Variants in AP3B1 observed in about 807,000 individuals in gnomAD.
AP3B1 encodes adaptor related protein complex 3 subunit beta 1, also known as AP-3 complex subunit beta-1.
Under a neutral mutation model 132.5 loss-of-function variants are expected in AP3B1, and 61 were observed. That is an observed-to-expected ratio of 0.46 (90% CI 0.37 to 0.57). The LOEUF (loss-of-function observed/expected upper bound fraction) is 0.57. AP3B1 is among the 20% of genes least tolerant of loss of function. The probability of loss-of-function intolerance (pLI) is 0.00; values close to 1 mark genes in which losing one functional copy is unlikely to be tolerated. For synonymous variants in AP3B1, 388 were observed against 438.3 expected, an observed-to-expected ratio of 0.89 and a Z score of 1.43; for missense variants, 1,120 against 1,289.4, an observed-to-expected ratio of 0.87 and a Z score of 2.01.
chr5:78,231,968 A>C lies in AP3B1; in HGVS notation c.280-3729T>G, dbSNP rs558746380. Among the ~76,000 whole-genome samples the C allele has an allele frequency of 9.2e-5, 14 of 152,350 alleles. No homozygotes were observed. The East Asian group carries it at 2.7e-3, about 29-fold the overall frequency. The stretch of plus-strand genomic sequence containing the variant: ...AAGTCAAGTAAGCACAAAATTGAGA[A>C]ATCTATACAATAAAATGTTAATAGT... On this transcript the variant is annotated intron_variant, in intron 3 of 26. Coordinates refer to ENST00000255194, the MANE Select transcript of AP3B1 (RefSeq NM_003664.5).
At chr5:78,170,160 T>C (rs1196120558) in intron 11 of AP3B1, among the ~76,000 whole-genome samples, 3 of 152,226 alleles carry the variant, frequency 2.0e-5, no homozygotes, top group African/African-American at 7.2e-5. Context: ...CTATCATTGA[T>C]GGACATCTGG....
At chr5:78,145,447 A>C (rs1266184624) in intron 14 of AP3B1, among the ~76,000 whole-genome samples, 3 of 152,202 alleles carry the variant, frequency 2.0e-5, no homozygotes, top group Admixed American at 2.0e-4. Flanking sequence ...TTAGTGGTGG[A>C]ACTAGGATCA....
At chr5:78,149,167 GAATAC>G (rs1263527066) in intron 14 of AP3B1, among the ~76,000 whole-genome samples, 3 of 152,114 alleles carry the variant, frequency 2.0e-5, no homozygotes, top group African/African-American at 7.2e-5. Context: ...TATGTGAACT[GAATAC>G]AGAAAAAGGA....
intron 13 of AP3B1, among the ~76,000 whole-genome samples, chr5:78,158,986 C>T (rs984295483): frequency 6.6e-6 from 1 of 152,112 alleles, no homozygotes; most frequent in Non-Finnish European, 1.5e-5. Flanking sequence ...CGTGAGCCAC[C>T]GCGCCCACCC....
intron 7 of AP3B1, among the ~76,000 whole-genome samples, chr5:78,189,406 T>TG (rs1014285210): frequency 2.0e-5 from 3 of 152,144 alleles, no homozygotes; most frequent in Non-Finnish European, 4.4e-5. Flanking sequence ...GAGGATTACT[T>TG]GCACTACTGT....
chr5:78,070,141 T>A (rs1749472104), intron 22 of AP3B1, among the ~76,000 whole-genome samples: 2 of 152,120 alleles, frequency 1.3e-5, no homozygotes, highest in African/African-American at 4.8e-5. Context: ...GCACCGTGGC[T>A]CACACCTGCA....
intron 15 of AP3B1, among the ~76,000 whole-genome samples, chr5:78,133,832 C>T (rs1354998301): frequency 6.6e-6 from 1 of 151,930 alleles, no homozygotes; most frequent in African/African-American, 2.4e-5. Context: ...ATTATTGGTA[C>T]CAACTAATGG....
chr5:78,261,261 C>A (rs1056824405), intron 2 of AP3B1, among the ~76,000 whole-genome samples: 3 of 152,188 alleles, frequency 2.0e-5, no homozygotes, highest in Admixed American at 1.3e-4. Flanking sequence ...TCTACCCTCA[C>A]CAACACTTAC....
intron 2 of AP3B1, among the ~76,000 whole-genome samples, chr5:78,252,788 G>A (rs557260764): frequency 6.6e-6 from 1 of 152,184 alleles, no homozygotes; most frequent in African/African-American, 2.4e-5. Flanking sequence ...TGACCCATCC[G>A]GGGCCTGGGG....
At chr5:78,077,697 C>A (rs1220186278) in intron 22 of AP3B1, among the ~76,000 whole-genome samples, 1 of 152,202 alleles carries the variant, frequency 6.6e-6, no homozygotes, top group Non-Finnish European at 1.5e-5. Context: ...CATTCTTCTA[C>A]TCCAGCCACC....
intron 14 of AP3B1, among the ~76,000 whole-genome samples, chr5:78,146,469 A>G (rs1057283704): frequency 6.6e-6 from 1 of 152,118 alleles, no homozygotes. Context: ...AATTCCATAC[A>G]GCTTTCTTGT....
At chr5:78,015,051 C>G (rs996509761) in intron 26 of AP3B1, among the ~76,000 whole-genome samples, 2 of 152,198 alleles carry the variant, frequency 1.3e-5, no homozygotes, top group Non-Finnish European at 2.9e-5. Context: ...AAAAGTCCAA[C>G]TATACTGCTT....
At chr5:78,131,833 C>T (rs549571675) in intron 15 of AP3B1, among the ~76,000 whole-genome samples, 63 of 152,206 alleles carry the variant, frequency 4.1e-4, no homozygotes, top group African/African-American at 1.4e-3. Flanking sequence ...CTAATGATTG[C>T]TATTTGCTAA....
chr5:78,036,337 G>C (rs1747806323), intron 23 of AP3B1, among the ~76,000 whole-genome samples: 1 of 152,146 alleles, frequency 6.6e-6, no homozygotes, highest in African/African-American at 2.4e-5. Flanking sequence ...CCAATTAGGT[G>C]TCTCTGTTTG....
At chr5:78,255,465 TA>T (rs35837292) in intron 2 of AP3B1, among the ~76,000 whole-genome samples, 85,092 of 151,728 alleles carry the variant, frequency 0.56, 24,038 homozygotes, top group Admixed American at 0.59. Flanking sequence ...CCAAACAAAA[TA>T]AGACTTCAAG....
intron 1 of AP3B1, among the ~76,000 whole-genome samples, chr5:78,272,809 A>T (rs1748602428): frequency 1.3e-5 from 2 of 152,294 alleles, no homozygotes; most frequent in South Asian, 4.1e-4. Flanking sequence ...AAGCAGGTCA[A>T]ATAACTCTAA....
intron 17 of AP3B1, among the ~76,000 whole-genome samples, chr5:78,123,351 C>T (rs547607103): frequency 0.013 from 1,966 of 152,028 alleles, 45 homozygotes; most frequent in African/African-American, 0.045. Context: ...ACAAATGGGA[C>T]GTAATTAAAC....
intron 24 of AP3B1, among the ~76,000 whole-genome samples, chr5:78,030,368 T>C (rs1246640788): frequency 4.6e-5 from 7 of 152,198 alleles, no homozygotes; most frequent in Admixed American, 3.9e-4. Flanking sequence ...AGAAAAGATG[T>C]GCAGGTGGTA....
intron 12 of AP3B1, among the ~76,000 whole-genome samples, chr5:78,163,975 T>G (rs1184688401): frequency 6.6e-6 from 1 of 151,826 alleles, no homozygotes; most frequent in Non-Finnish European, 1.5e-5. Context: ...GGTGTCTAAA[T>G]GACAAATGGA....
Sources: gnomAD v4.1 joint callset for allele counts (sites outside exome capture counted in the v4.1 genomes callset) on GRCh38, gnomAD v4.1.1 for gene constraint, MANE v1.5 for transcripts, NCBI Gene and HGNC (gene_info 2026-07-23, HGNC 2026-07-21) for gene names.